Variants in AFF2 observed in about 807,000 individuals in gnomAD.
AFF2 encodes AF4/FMR2 family member 2.
In AFF2, 14 loss-of-function variants were observed where a neutral mutation model predicts 76.9. The ratio of observed to expected loss-of-function variants is 0.18; its 90% confidence interval spans 0.12 to 0.28. AFF2 has a LOEUF of 0.28. Ranked by LOEUF, AFF2 falls within the 10% of genes least tolerant of loss-of-function variation. AFF2 has a pLI of 1.00. For synonymous variants in AFF2, 398 were observed against 366.7 expected, an observed-to-expected ratio of 1.09 and a Z score of -0.98; for missense variants, 868 against 1,001.1, an observed-to-expected ratio of 0.87 and a Z score of 1.79.
At chrX:148,849,130 C>T (rs1431479787) in intron 7 of AFF2, among the ~76,000 whole-genome samples, 3 of 110,989 alleles carry the variant, frequency 2.7e-5, no homozygotes, top group Admixed American at 9.6e-5. Context: ...CTGAAGCTGC[C>T]GGGGCTTGAT....
At chrX:148,681,703 G>A (rs2054552743) in intron 3 of AFF2, among the ~76,000 whole-genome samples, 1 of 109,389 alleles carries the variant, frequency 9.1e-6, no homozygotes, top group Admixed American at 9.9e-5. Flanking sequence ...GAGAAAGAAA[G>A]AAAGAAAACA....
chrX:148,882,219 C>T (rs2071105312), intron 7 of AFF2, among the ~76,000 whole-genome samples: 1 of 111,528 alleles, frequency 9.0e-6, no homozygotes. Context: ...TGCAAAGAGC[C>T]CTTGGAGGCC....
chrX:148,942,534 C>T (rs782469912), intron 9 of AFF2, among the ~76,000 whole-genome samples: 2 of 111,114 alleles, frequency 1.8e-5, no homozygotes, highest in Non-Finnish European at 3.8e-5. Flanking sequence ...ATTGGATTTG[C>T]GGCCAGGCAC....
chrX:148,686,019 TCTC>T (rs2054598694), intron 3 of AFF2, among the ~76,000 whole-genome samples: 4 of 110,915 alleles, frequency 3.6e-5, no homozygotes, highest in Admixed American at 1.9e-4. Context: ...TTTCTTTTCT[TCTC>T]AGGAGATTTT....
intron 1 of AFF2, among the ~76,000 whole-genome samples, chrX:148,501,476 G>C (rs2052350163): frequency 8.8e-6 from 1 of 113,037 alleles, no homozygotes; most frequent in Admixed American, 9.2e-5. Flanking sequence ...GCGGCTTGCC[G>C]GTCTGGCCTC....
chrX:148,740,983 G>A (rs2055343956), intron 3 of AFF2, among the ~76,000 whole-genome samples: 1 of 112,226 alleles, frequency 8.9e-6, no homozygotes, highest in Admixed American at 9.4e-5. Flanking sequence ...TGTCTGCACA[G>A]AGTCCTGTGA....
At chrX:148,870,733 T>C (rs16994787) in intron 7 of AFF2, among the ~76,000 whole-genome samples, 5,493 of 112,127 alleles carry the variant, frequency 0.049, 339 homozygotes, top group African/African-American at 0.17. Flanking sequence ...GGCAATTTGG[T>C]CCTGATAGGT....
intron 8 of AFF2, among the ~76,000 whole-genome samples, chrX:148,900,865 T>A (rs1557280808): frequency 9.0e-6 from 1 of 111,645 alleles, no homozygotes; most frequent in East Asian, 2.8e-4. Flanking sequence ...ATATGGAGAG[T>A]AGAAGATAGT....
rs528282328 is a variant in AFF2, at chrX:148,709,608, A to G, written c.1041+46840A>G. Among the ~76,000 whole-genome samples the G allele has an allele frequency of 2.0e-4, 23 of 112,311 alleles. No homozygotes were observed. In the South Asian group the frequency reaches 8.1e-3, roughly 40 times the overall value. The stretch of plus-strand genomic sequence containing the variant: ...CAGTAAATATTACGGTGTAAAGTAC[A>G]TAGTAGAGGATTTGCTTTTTACAAT... On this transcript the variant is annotated intron_variant, in intron 3 of 20. Transcript: ENST00000370460.
At chrX:148,532,269 TTAAG>T (rs1326610242) in intron 1 of AFF2, among the ~76,000 whole-genome samples, 1 of 112,244 alleles carries the variant, frequency 8.9e-6, no homozygotes, top group Non-Finnish European at 1.9e-5. Flanking sequence ...TGAGTAGCAA[TTAAG>T]TATTACTGTA....
chrX:148,583,297 C>T (rs2053433423), intron 1 of AFF2, among the ~76,000 whole-genome samples: 2 of 111,843 alleles, frequency 1.8e-5, no homozygotes, highest in Admixed American at 9.5e-5. Flanking sequence ...TGAAGTTTCC[C>T]TCACTAGATT....
At chrX:148,918,980 C>T (rs1341909173) in intron 9 of AFF2, among the ~76,000 whole-genome samples, 1 of 111,951 alleles carries the variant, frequency 8.9e-6, no homozygotes, top group Non-Finnish European at 1.9e-5. Flanking sequence ...GGGCCACTCA[C>T]CAAAGCACAA....
intron 19 of AFF2, among the ~76,000 whole-genome samples, chrX:148,983,964 A>AAAAAAAAAAAAAAAAAAAAAAG: frequency 9.8e-6 from 1 of 102,225 alleles, no homozygotes; most frequent in Non-Finnish European, 2.0e-5. Context: ...AAAAAAAAAA[A>AAAAAAAAAAAAAAAAAAAAAAG]AAAACTGCCC....
intron 10 of AFF2, 71 bp from the exon 11 acceptor site, chrX:148,955,522 GTAGTAGTCTC>G: frequency 9.7e-7 from 1 of 1,033,880 alleles, no homozygotes; most frequent in Non-Finnish European, 1.3e-6. Flanking sequence ...AAAGCTTTTA[GTAGTAGTCTC>G]TGTACTCAGG....
chrX:148,522,604 T>G (rs2052614144), intron 1 of AFF2, among the ~76,000 whole-genome samples: 1 of 111,990 alleles, frequency 8.9e-6, no homozygotes, highest in African/African-American at 3.2e-5. Flanking sequence ...AAATTTTAAA[T>G]GCTCATCGGG....
intron 3 of AFF2, among the ~76,000 whole-genome samples, chrX:148,688,167 G>C (rs1040284616): frequency 1.8e-4 from 20 of 111,238 alleles, no homozygotes; most frequent in Admixed American, 9.6e-5. Context: ...GATTTCTGCT[G>C]CTGGTTTTCT....
chrX:148,502,289 C>T (rs1348632434), intron 1 of AFF2, among the ~76,000 whole-genome samples: 5 of 111,793 alleles, frequency 4.5e-5, no homozygotes, highest in Admixed American at 9.4e-5. Context: ...CTACTAGCGG[C>T]CGTTGGTTAT....
intron 5 of AFF2, among the ~76,000 whole-genome samples, chrX:148,838,112 C>G (rs1557273998): frequency 8.9e-6 from 1 of 111,869 alleles, no homozygotes; most frequent in African/African-American, 3.3e-5. Flanking sequence ...TTTTTATCAC[C>G]TTCCAGTTCT....
intron 1 of AFF2, among the ~76,000 whole-genome samples, chrX:148,648,333 G>A (rs1557255819): frequency 9.1e-6 from 1 of 110,257 alleles, no homozygotes; most frequent in East Asian, 2.8e-4. Context: ...GGCCGAGACG[G>A]GTGGATCACC....
Sources: allele counts gnomAD v4.1 joint callset (sites outside exome capture counted in the v4.1 genomes callset), GRCh38; gene constraint gnomAD v4.1.1; transcripts MANE v1.5; gene names NCBI Gene and HGNC (gene_info 2026-07-23, HGNC 2026-07-21).